Variants in RAI1 observed in about 807,000 individuals in gnomAD.
RAI1 encodes the protein retinoic acid induced 1.
RAI1 carries 9 observed loss-of-function variants against 123.8 expected under a neutral mutation model. That is an observed-to-expected ratio of 0.07 (90% CI 0.04 to 0.13). The LOEUF (loss-of-function observed/expected upper bound fraction) is 0.13, where lower values mean the gene tolerates loss of function less well. RAI1 is among the 10% of genes least tolerant of loss of function. RAI1 has a pLI of 1.00. For synonymous variants in RAI1, 1,231 were observed against 1,127.3 expected (o/e 1.09, Z -1.84); for missense variants, 2,256 against 2,545.8 (o/e 0.89, Z 2.45).
intron 2 of RAI1, among the ~76,000 whole-genome samples, chr17:17,771,419 C>T (rs1217369153): frequency 1.3e-5 from 2 of 152,150 alleles, no homozygotes. Context: ...AAATGCAGTT[C>T]GTTTGGGAGA....
At chr17:17,807,460 C>T (rs796861926) in intron 4 of RAI1, among the ~76,000 whole-genome samples, 34 of 152,350 alleles carry the variant, frequency 2.2e-4, no homozygotes, top group African/African-American at 7.5e-4. Context: ...TTAAGGAACC[C>T]ACTTTGGAGA....
intron 1 of RAI1, among the ~76,000 whole-genome samples, chr17:17,690,874 G>A (rs1914814104): frequency 6.6e-6 from 1 of 152,198 alleles, no homozygotes; most frequent in African/African-American, 2.4e-5. Flanking sequence ...GGGGTGGGCA[G>A]GGATGGGGAA....
At chr17:17,807,576 C>T (rs1024132107) in intron 4 of RAI1, among the ~76,000 whole-genome samples, 5 of 152,348 alleles carry the variant, frequency 3.3e-5, no homozygotes, top group African/African-American at 1.2e-4. Context: ...TGCCCAGGTT[C>T]CCCAGGTGCA....
chr17:17,712,717 G>A (rs956109919), intron 1 of RAI1, among the ~76,000 whole-genome samples: 2 of 152,202 alleles, frequency 1.3e-5, no homozygotes, highest in Non-Finnish European at 2.9e-5. Flanking sequence ...GAAGGGGGTA[G>A]TCACCAGAGG....
chr17:17,784,281 G>T (rs2142999581), intron 2 of RAI1, among the ~76,000 whole-genome samples: 1 of 152,342 alleles, frequency 6.6e-6, no homozygotes, highest in South Asian at 2.1e-4. Context: ...AATGGCTGCA[G>T]CGAGGGGGTG....
rs775110095 is a variant in RAI1 at position 17,796,838 on chromosome 17, C to T, written c.3890C>T (p.Thr1297Ile). 2 of 1,611,900 alleles carry T rather than the reference C, an allele frequency of 1.2e-6. No homozygotes were observed. The highest frequency in any genetic ancestry group is 1.1e-5 in the South Asian group (1 of 91,034). The change falls in exon 3 of 6, where the codon ACC (threonine) becomes ATC (isoleucine). Residue 1297 changes from threonine (T) to isoleucine (I), a missense_variant. Transcript: ENST00000353383. This position sits in a 1 kb window ranked among gnomAD's most constrained non-coding sequence, Gnocchi z 5.8. ...GCCACAAAGCTCCCACCCCCGGAGACCCCCGATGCCTGCCTCAAGCTCGCC... is the reference window on the plus strand; with the variant it reads ...GCCACAAAGCTCCCACCCCCGGAGATCCCCGATGCCTGCCTCAAGCTCGCC... ...EPATKLPPPETPDACLKLASR... is the reference protein window; with the variant it reads ...EPATKLPPPEIPDACLKLASR...
chr17:17,694,263 G>A (rs1031339394), intron 1 of RAI1, among the ~76,000 whole-genome samples: 1 of 152,142 alleles, frequency 6.6e-6, no homozygotes, highest in African/African-American at 2.4e-5. Context: ...GGTGTAGGTG[G>A]GCAGAGGCTG....
intron 2 of RAI1, among the ~76,000 whole-genome samples, chr17:17,739,110 C>T (rs888457896): frequency 1.3e-5 from 2 of 152,188 alleles, no homozygotes; most frequent in Non-Finnish European, 2.9e-5. Context: ...AAGTGAAGAA[C>T]GGGAGTGAGG....
Position 17,809,084 on chromosome 17 carries a change from C to CGGGA in RAI1, c.5660-293_5660-290dup, listed in dbSNP as rs941010493. ...GACAAGTGTGGCTGGCAGAGTAAGGCGGGAGGGAGGGAGGGACTGAGGGAC... is the reference window on the plus strand; with the variant it reads ...GACAAGTGTGGCTGGCAGAGTAAGGCGGGAGGGAGGGAGGGAGGGACTGAGGGAC... On this transcript the variant is annotated intron_variant, in intron 4 of 5. Transcript: ENST00000353383. The surrounding 1 kb of genome is among the most constrained non-coding windows in gnomAD (Gnocchi z 4.9). 2.2e-6 allele frequency: 1 copy of CGGGA among 453,104 alleles called. No individual in the cohort carries two copies. The allele number at this position is 453,104 out of a possible 1,614,324, so 28.1% of individuals were successfully genotyped here.
chr17:17,699,631 G>A (rs1915146758), intron 1 of RAI1, among the ~76,000 whole-genome samples: 1 of 129,842 alleles, frequency 7.7e-6, no homozygotes, highest in African/African-American at 3.5e-5. Context: ...CGGGGGGCCG[G>A]GGGGGGGGGA....
intron 2 of RAI1, among the ~76,000 whole-genome samples, chr17:17,740,811 G>C (rs1047641942): frequency 6.6e-6 from 1 of 152,162 alleles, no homozygotes; most frequent in East Asian, 1.9e-4. Context: ...ATCCCGTTTT[G>C]GTTTTCGCCA....
At chr17:17,802,108 C>T (rs2032482358) in intron 3 of RAI1, 1 of 470,930 alleles carries the variant, frequency 2.1e-6, no homozygotes, top group South Asian at 1.5e-5. Context: ...CTTCACTCTT[C>T]CAAGGGCCTT....
At chr17:17,723,496 C>G (rs1021473489) in intron 1 of RAI1, among the ~76,000 whole-genome samples, 2 of 151,988 alleles carry the variant, frequency 1.3e-5, no homozygotes, top group African/African-American at 4.8e-5. Context: ...CTCCCCTCCT[C>G]TATCTTTGAC....
chr17:17,778,784 G>A (rs1364938612), intron 2 of RAI1: 4 of 456,756 alleles, frequency 8.8e-6, no homozygotes, highest in South Asian at 4.6e-5. Flanking sequence ...CCAGAACACA[G>A]CAGTTCTGGG....
At chr17:17,690,005 C>T (rs147978640) in intron 1 of RAI1, among the ~76,000 whole-genome samples, 1 of 152,112 alleles carries the variant, frequency 6.6e-6, no homozygotes, top group East Asian at 1.9e-4. Context: ...ACTGTTGGGG[C>T]CTGATGCTGG....
chr17:17,803,371 G>A (rs1373582174), intron 3 of RAI1, among the ~76,000 whole-genome samples: 1 of 151,696 alleles, frequency 6.6e-6, no homozygotes, highest in Non-Finnish European at 1.5e-5. Flanking sequence ...AGCCTGTACA[G>A]GTTTTTTGTG....
chr17:17,761,415 C>A (rs972038809), intron 2 of RAI1, among the ~76,000 whole-genome samples: 2 of 152,110 alleles, frequency 1.3e-5, no homozygotes, highest in Non-Finnish European at 2.9e-5. Flanking sequence ...CTACTCTGTG[C>A]CAGGCACAGG....
At chr17:17,779,243 C>T (rs1182958938) in intron 2 of RAI1, 14 of 317,756 alleles carry the variant, frequency 4.4e-5, no homozygotes, top group Middle Eastern at 8.5e-4. Flanking sequence ...TGGCTCTCCC[C>T]GAAGGTCGCT....
chr17:17,787,726 G>A (rs964621156), intron 2 of RAI1, among the ~76,000 whole-genome samples: 8 of 152,204 alleles, frequency 5.3e-5, no homozygotes, highest in Admixed American at 1.3e-4. Context: ...TGGGAGTGGA[G>A]AGCAGGGCAC....
Sources: gnomAD v4.1 joint callset for allele counts (sites outside exome capture counted in the v4.1 genomes callset) on GRCh38, gnomAD v4.1.1 for gene constraint, Gnocchi (gnomAD v3.1) non-coding constraint, MANE v1.5 for transcripts, NCBI Gene and HGNC (gene_info 2026-07-23, HGNC 2026-07-21) for gene names.